The following ZNF33A variants were observed in gnomAD, a reference collection of about 807,000 sequenced individuals.
The protein encoded by ZNF33A is zinc finger protein 33A, also known as brain my041 protein.
A neutral mutation model predicts 15.9 loss-of-function variants in ZNF33A; 9 were observed. That is an observed-to-expected ratio of 0.57 (90% confidence interval 0.34 to 0.99). ZNF33A has a LOEUF of 0.99. Ranked by LOEUF, ZNF33A falls within the 50% of genes least tolerant of loss-of-function variation. The pLI is 0.02. For missense variants in ZNF33A, 843 were observed against 941.6 expected, an observed-to-expected ratio of 0.90 and a Z score of 1.37; for synonymous variants, 294 against 324.2, an observed-to-expected ratio of 0.91 and a Z score of 1.00.
Position 38,058,457 on chromosome 10 carries a change from A to T in ZNF33A, c.*1897A>T, listed in dbSNP as rs570587199. On this transcript the variant is annotated 3_prime_UTR_variant, in exon 5 of 5. Coordinates refer to ENST00000432900, the MANE Select transcript of ZNF33A (RefSeq NM_006954.2). ...ATAGGCATATGTATCTATTAAATAA[A>T]CCAAAGCAGTAATTAATAACCTTCC... 1 of 152,326 alleles carries T rather than the reference A, an allele frequency of 6.6e-6. No homozygotes were observed. Among genetic ancestry groups the T allele is most frequent in the African/African-American group, 2.4e-5 (1 of 41,570 alleles). 9.4% of individuals were successfully genotyped at this position (152,326 alleles called of 1,614,324 possible).
chr10:38,020,956 G>A (rs890718829), intron 4 of ZNF33A, among the ~76,000 whole-genome samples: 17 of 152,154 alleles, frequency 1.1e-4, no homozygotes, highest in Non-Finnish European at 2.2e-4. Context: ...TGCTCTGTAA[G>A]TGCTCACCTG....
chr10:38,050,045 C>G (rs915568857), intron 4 of ZNF33A, among the ~76,000 whole-genome samples: 1 of 152,164 alleles, frequency 6.6e-6, no homozygotes, highest in Non-Finnish European at 1.5e-5. Context: ...AAGAAAACCC[C>G]AGGTCCCCAG....
chr10:38,057,421 A>G lies in ZNF33A; in HGVS notation c.*861A>G. On this transcript the variant is annotated 3_prime_UTR_variant, in exon 5 of 5. Transcript: ENST00000432900. Reference sequence around the variant, plus strand: ...ATTATCCCTGAAGTTCAAAAGACTTATATATGTATAAGTGGTATGTGATAT... The same window carrying G: ...ATTATCCCTGAAGTTCAAAAGACTTGTATATGTATAAGTGGTATGTGATAT... The G allele has an allele frequency of 1.0e-6, 1 of 985,434 alleles. No individual in the cohort carries two copies. Among genetic ancestry groups the G allele is most frequent in the Non-Finnish European group, 1.2e-6 (1 of 829,928 alleles). 61.0% of individuals were successfully genotyped at this position (985,434 alleles called of 1,614,324 possible). A position where few individuals can be genotyped will look rare whatever the true frequency, so the allele number is the denominator to read the frequency against.
chr10:38,050,846 T>C (rs572901222), intron 4 of ZNF33A, among the ~76,000 whole-genome samples: 32 of 152,292 alleles, frequency 2.1e-4, no homozygotes, highest in African/African-American at 7.7e-4. Context: ...AGTAAAGTAT[T>C]AGAAAATAAA....
At position 38,054,463 on chromosome 10, in the gene ZNF33A, GCTGA is replaced by G. The variant is rs1182785854; in HGVS notation, c.342_345del (p.Thr115ArgfsTer6). The G allele has an allele frequency of 6.2e-7, 1 of 1,609,750 alleles. No homozygotes were observed. Among genetic ancestry groups the G allele is most frequent in the Non-Finnish European group, 8.5e-7 (1 of 1,178,860 alleles). On this transcript the variant is annotated frameshift_variant, in exon 5 of 5. Transcript: ENST00000432900. LOFTEE classifies it high-confidence loss of function. ...AAGTTGTATTCATCAATAATGAAATGCTGACTAAGGAACAAGGTGATGTAATAGG... is the reference window on the plus strand; with the variant it reads ...AAGTTGTATTCATCAATAATGAAATGCTAAGGAACAAGGTGATGTAATAGG...
chr10:38,058,036 T>C lies in ZNF33A; in HGVS notation c.*1476T>C. ...TTACATGATCAGATCATACAAATAA[T>C]CTAAGATTATACAGTCTAGTGATCC... On this transcript the variant is annotated 3_prime_UTR_variant, in exon 5 of 5. Transcript: ENST00000432900. The C allele has an allele frequency of 1.0e-6, 1 of 985,052 alleles. No individual in the cohort carries two copies. The highest frequency in any genetic ancestry group is 1.2e-6 in the Non-Finnish European group (1 of 829,630). The allele number at this position is 985,052 out of a possible 1,614,324, so 61.0% of individuals were successfully genotyped here.
chr10:38,029,552 T>A (rs2065125415), intron 4 of ZNF33A, among the ~76,000 whole-genome samples: 1 of 152,206 alleles, frequency 6.6e-6, no homozygotes, highest in Non-Finnish European at 1.5e-5. Context: ...ACAAGGTTGG[T>A]TTTTATAGTT....
chr10:38,064,799 C>T (rs746443533), downstream of ZNF33A: 1 of 152,116 alleles, frequency 6.6e-6, no homozygotes, highest in Non-Finnish European at 1.5e-5. Context: ...TCTGTCATCT[C>T]CCCATAGTCA....
At chr10:38,066,626 A>G (rs1318105993), downstream of ZNF33A, among the ~76,000 whole-genome samples, 2 of 152,038 alleles carry the variant, frequency 1.3e-5, no homozygotes, top group East Asian at 3.9e-4. Flanking sequence ...TCCAGTGTGT[A>G]AAGCCCACAT....
chr10:38,037,446 C>A (rs1301445960), intron 4 of ZNF33A, among the ~76,000 whole-genome samples: 1 of 151,898 alleles, frequency 6.6e-6, no homozygotes, highest in Non-Finnish European at 1.5e-5. Flanking sequence ...GCCTCAGCCT[C>A]CTGAGTAGCT....
intron 4 of ZNF33A, among the ~76,000 whole-genome samples, chr10:38,036,590 TCCTCA>T (rs1249427514): frequency 2.0e-5 from 3 of 152,056 alleles, no homozygotes; most frequent in Non-Finnish European, 4.4e-5. Context: ...GAGAGGAACT[TCCTCA>T]ACTTGGTAAA....
rs186526620 is a variant in ZNF33A at position 38,034,555 on chromosome 10, T to C, written c.250+17169T>C. Among the ~76,000 whole-genome samples, 8 of 152,344 alleles carry C rather than the reference T, an allele frequency of 5.3e-5. No individual in the cohort carries two copies. The East Asian group carries it at 9.6e-4, about 18-fold the overall frequency. ...TACTGTCACCATGTTTTATGACTTT[T>C]GATGTTGGCCTGAAATGTCTTGGCA... On this transcript the variant is annotated intron_variant, in intron 4 of 4. Transcript: ENST00000432900.
At chr10:38,029,018 A>G (rs1293214439) in intron 4 of ZNF33A, among the ~76,000 whole-genome samples, 1 of 152,162 alleles carries the variant, frequency 6.6e-6, no homozygotes, top group Non-Finnish European at 1.5e-5. Context: ...TTGTGTACCG[A>G]TAATGTAAAT....
Position 38,056,314 on chromosome 10 carries a change from T to C in ZNF33A, c.2190T>C (p.Phe730=), listed in dbSNP as rs1477029753. Residue 730 remains phenylalanine, a synonymous_variant, in exon 5 of 5, where the codon TTT becomes TTC. Coordinates refer to ENST00000432900, the MANE Select transcript of ZNF33A (RefSeq NM_006954.2). The part of the protein sequence containing the change: ...SCQCNECGKI[F]YRKSELAQHQ... ...AATGTAATGAATGTGGAAAAATCTTTTACCGTAAATCGGAACTTGCTCAAC... is the reference window on the plus strand; with the variant it reads ...AATGTAATGAATGTGGAAAAATCTTCTACCGTAAATCGGAACTTGCTCAAC... 6.2e-7 allele frequency: 1 copy of C among 1,614,086 alleles called. No homozygotes were observed. The highest frequency in any genetic ancestry group is 8.5e-7 in the Non-Finnish European group (1 of 1,179,974).
At chr10:38,032,907 C>T (rs2065276317) in intron 4 of ZNF33A, among the ~76,000 whole-genome samples, 1 of 151,426 alleles carries the variant, frequency 6.6e-6, no homozygotes, top group African/African-American at 2.4e-5. Flanking sequence ...CCACTATGCC[C>T]AGCTAATTTT....
chr10:38,031,308 G>C (rs1347305804), intron 4 of ZNF33A, among the ~76,000 whole-genome samples: 1 of 152,114 alleles, frequency 6.6e-6, no homozygotes, highest in Non-Finnish European at 1.5e-5. Context: ...GGTGGCATAT[G>C]CCTGTAATCT....
intron 4 of ZNF33A, among the ~76,000 whole-genome samples, chr10:38,044,969 G>A (rs999598635): frequency 2.6e-5 from 4 of 152,084 alleles, no homozygotes; most frequent in African/African-American, 4.8e-5. Context: ...TGTCTGGCCC[G>A]AACATATTTA....
intron 4 of ZNF33A, among the ~76,000 whole-genome samples, chr10:38,049,043 T>C (rs1378036731): frequency 6.6e-6 from 1 of 152,068 alleles, no homozygotes; most frequent in Non-Finnish European, 1.5e-5. Flanking sequence ...TCTTAATAAA[T>C]GTAAAAGGAT....
chr10:38,049,361 TG>T (rs1434078874), intron 4 of ZNF33A, among the ~76,000 whole-genome samples: 1 of 152,132 alleles, frequency 6.6e-6, no homozygotes, highest in Admixed American at 6.5e-5. Context: ...TACTTACTTT[TG>T]GGTCTAATTT....
Sources: gnomAD v4.1 joint callset for allele counts (sites outside exome capture counted in the v4.1 genomes callset) on GRCh38, gnomAD v4.1.1 for gene constraint, MANE v1.5 for transcripts, NCBI Gene and HGNC (gene_info 2026-07-23, HGNC 2026-07-21) for gene names.